Variants in ESRRG observed in about 807,000 individuals in gnomAD.
ESRRG encodes the protein estrogen-related receptor gamma.
Under a neutral mutation model 44.0 loss-of-function variants are expected in ESRRG, and 13 were observed. The observed-to-expected ratio is 0.30, with a 90% CI of 0.19 to 0.47. The LOEUF (loss-of-function observed/expected upper bound fraction) is 0.47, where lower values mean the gene tolerates loss of function less well. Ranked by LOEUF, ESRRG falls within the 20% of genes least tolerant of loss-of-function variation. The probability of loss-of-function intolerance (pLI) is 1.00; values close to 1 mark genes in which losing one functional copy is unlikely to be tolerated. For synonymous variants in ESRRG, 215 were observed against 214.6 expected (o/e 1.00, Z -0.02); for missense variants, 395 against 580.6 (o/e 0.68, Z 3.29).
At chr1:217,016,359 C>T (rs1249043127) in intron 1 of ESRRG, among the ~76,000 whole-genome samples, 1 of 151,880 alleles carries the variant, frequency 6.6e-6, no homozygotes, top group Non-Finnish European at 1.5e-5. Flanking sequence ...TCATGTGATC[C>T]GATATGTGAT....
At chr1:216,883,258 T>C (rs2576265) in intron 2 of ESRRG, among the ~76,000 whole-genome samples, 95,052 of 151,538 alleles carry the variant, frequency 0.63, 30,043 homozygotes, top group Middle Eastern at 0.68. Flanking sequence ...TGGTGGCAGG[T>C]GCCTTAATTC....
chr1:216,761,224 CT>C (rs34882909), intron 2 of ESRRG, among the ~76,000 whole-genome samples: 55,323 of 151,074 alleles, frequency 0.37, 11,263 homozygotes, highest in African/African-American at 0.56. Flanking sequence ...TACATACTTC[CT>C]TTTTTTTTAT....
At chr1:216,815,424 T>G (rs576186269) in intron 2 of ESRRG, among the ~76,000 whole-genome samples, 75 of 152,310 alleles carry the variant, frequency 4.9e-4, no homozygotes, top group African/African-American at 1.7e-3. Flanking sequence ...CAGACAACAC[T>G]GCCCTCTAAA....
At chr1:216,669,415 G>T (rs2074680019) in intron 2 of ESRRG, among the ~76,000 whole-genome samples, 3 of 152,084 alleles carry the variant, frequency 2.0e-5, no homozygotes, top group African/African-American at 7.2e-5. Flanking sequence ...CACCAAAAAA[G>T]AAAGATTGCA....
At chr1:216,561,291 C>T (rs777714758) in intron 5 of ESRRG, among the ~76,000 whole-genome samples, 2 of 151,926 alleles carry the variant, frequency 1.3e-5, no homozygotes, top group East Asian at 1.9e-4. Flanking sequence ...CATATATGTA[C>T]GTGTATGGGT....
chr1:216,538,085 A>G (rs1256963380), intron 5 of ESRRG, among the ~76,000 whole-genome samples: 5 of 151,978 alleles, frequency 3.3e-5, no homozygotes, highest in Non-Finnish European at 7.4e-5. Context: ...AATAACCTCA[A>G]ACAGAGAGGC....
chr1:216,994,090 C>T (rs1177815212), intron 1 of ESRRG, among the ~76,000 whole-genome samples: 2 of 152,234 alleles, frequency 1.3e-5, no homozygotes, highest in South Asian at 2.1e-4. Flanking sequence ...TAAATGTAAG[C>T]ATATCTCTGA....
At chr1:217,094,313 G>A (rs1319654826), upstream of ESRRG, among the ~76,000 whole-genome samples, 3 of 152,208 alleles carry the variant, frequency 2.0e-5, no homozygotes, top group Admixed American at 2.0e-4. Context: ...GACCTAATTT[G>A]ATATGAATGG....
At chr1:217,058,607 A>G (rs1363407372) in intron 1 of ESRRG, among the ~76,000 whole-genome samples, 1 of 152,180 alleles carries the variant, frequency 6.6e-6, no homozygotes, top group African/African-American at 2.4e-5. Flanking sequence ...TGGGACAACC[A>G]TATGCAAAAA....
At chr1:217,125,319 A>G (rs2092875813) in intron 1 of ESRRG, among the ~76,000 whole-genome samples, 1 of 152,226 alleles carries the variant, frequency 6.6e-6, no homozygotes, top group South Asian at 2.1e-4. Flanking sequence ...ATAAATCTGG[A>G]AAACATTACA....
chr1:216,939,354 A>C (rs1025606705), intron 2 of ESRRG, among the ~76,000 whole-genome samples: 5 of 88,542 alleles, frequency 5.6e-5, no homozygotes, highest in African/African-American at 2.2e-4. Flanking sequence ...AAAAAAAAAA[A>C]AAAAAAAAAA....
intron 2 of ESRRG, among the ~76,000 whole-genome samples, chr1:216,737,992 T>G (rs1643926961): frequency 7.7e-6 from 1 of 129,746 alleles, no homozygotes; most frequent in Non-Finnish European, 1.6e-5. Context: ...AGATGAGACA[T>G]CACTTTTTTT....
intron 1 of ESRRG, among the ~76,000 whole-genome samples, chr1:216,959,019 A>C (rs1578685475): frequency 6.6e-6 from 1 of 152,012 alleles, no homozygotes; most frequent in Non-Finnish European, 1.5e-5. Flanking sequence ...GATTATTTTT[A>C]CACTTATTTT....
intron 3 of ESRRG, among the ~76,000 whole-genome samples, chr1:216,577,168 GGAGA>G (rs142792725): frequency 2.0e-5 from 3 of 149,194 alleles, no homozygotes; most frequent in Admixed American, 6.7e-5. Flanking sequence ...GATGTCAGAG[GGAGA>G]GAGAGAGAGA....
intron 2 of ESRRG, among the ~76,000 whole-genome samples, chr1:216,832,962 G>A (rs1477395084): frequency 6.8e-6 from 1 of 146,884 alleles, no homozygotes; most frequent in Non-Finnish European, 1.5e-5. Flanking sequence ...GCGACAGAGT[G>A]GGACTCAGTC....
At chr1:216,546,707 G>A (rs1188419129) in intron 5 of ESRRG, among the ~76,000 whole-genome samples, 1 of 151,798 alleles carries the variant, frequency 6.6e-6, no homozygotes, top group African/African-American at 2.4e-5. Context: ...CAGGTTGAAA[G>A]TTAAAAAGGA....
chr1:216,650,641 A>G (rs1324841908), intron 3 of ESRRG, among the ~76,000 whole-genome samples: 1 of 152,170 alleles, frequency 6.6e-6, no homozygotes, highest in African/African-American at 2.4e-5. Flanking sequence ...TAGTAATGAG[A>G]AGAAAACCAA....
intron 1 of ESRRG, among the ~76,000 whole-genome samples, chr1:216,984,693 G>T (rs2150428859): frequency 6.6e-6 from 1 of 152,324 alleles, no homozygotes. Flanking sequence ...CTAGAGAAGA[G>T]AATCCCTTAG....
At chr1:216,620,882 G>C (rs936701502) in intron 3 of ESRRG, among the ~76,000 whole-genome samples, 2 of 152,140 alleles carry the variant, frequency 1.3e-5, no homozygotes, top group African/African-American at 2.4e-5. Context: ...GCAGTATTTT[G>C]AATGATATAG....
Sources: gnomAD v4.1 joint callset for allele counts (sites outside exome capture counted in the v4.1 genomes callset) on GRCh38, gnomAD v4.1.1 for gene constraint, MANE v1.5 for transcripts, NCBI Gene and HGNC (gene_info 2026-07-23, HGNC 2026-07-21) for gene names.